The following ROBO1 variants were observed in gnomAD, a reference collection of about 807,000 sequenced individuals.
The protein encoded by ROBO1 is roundabout guidance receptor 1.
In ROBO1, 149 loss-of-function variants were observed where a neutral mutation model predicts 195.9. The ratio of observed to expected loss-of-function variants is 0.76; its 90% CI spans 0.67 to 0.87. ROBO1 has a LOEUF of 0.87. ROBO1 is among the 40% of genes least tolerant of loss of function. ROBO1 has a pLI of 0.00. For missense variants in ROBO1, 1,933 were observed against 2,068.3 expected, an observed-to-expected ratio of 0.93 and a Z score of 1.27; for synonymous variants, 816 against 733.2, an observed-to-expected ratio of 1.11 and a Z score of -1.82.
chr3:79,466,699 G>A (rs1937978788), intron 2 of ROBO1, among the ~76,000 whole-genome samples: 1 of 152,096 alleles, frequency 6.6e-6, no homozygotes, highest in South Asian at 2.1e-4. Context: ...GGCATAATGA[G>A]TGACTGTATG....
intron 4 of ROBO1, among the ~76,000 whole-genome samples, chr3:78,879,439 G>A (rs1218203661): frequency 1.3e-5 from 2 of 151,460 alleles, no homozygotes; most frequent in Non-Finnish European, 2.9e-5. Context: ...ACCTATATAC[G>A]AGGTTAGGCA....
chr3:78,679,624 T>C (rs549297577), intron 10 of ROBO1, among the ~76,000 whole-genome samples: 4,393 of 152,200 alleles, frequency 0.029, 87 homozygotes, highest in African/African-American at 0.064. Context: ...TTACAAGGGA[T>C]GTGAAGGACC....
intron 2 of ROBO1, among the ~76,000 whole-genome samples, chr3:79,134,421 C>G: frequency 9.4e-5 from 1 of 10,586 alleles, no homozygotes; most frequent in Non-Finnish European, 1.8e-4. Flanking sequence ...GAAATAGGAA[C>G]ACTTTTACAC....
intron 4 of ROBO1, among the ~76,000 whole-genome samples, chr3:78,930,420 A>AG (rs1232002930): frequency 1.3e-5 from 2 of 152,170 alleles, no homozygotes; most frequent in Admixed American, 1.3e-4. Flanking sequence ...GTTTTGGGAA[A>AG]GGGGGGCCCT....
intron 4 of ROBO1, among the ~76,000 whole-genome samples, chr3:78,881,250 C>T (rs779665795): frequency 6.6e-6 from 1 of 152,138 alleles, no homozygotes; most frequent in Non-Finnish European, 1.5e-5. Flanking sequence ...GGAAATTTCA[C>T]CAACTCATTT....
intron 2 of ROBO1, among the ~76,000 whole-genome samples, chr3:79,455,589 C>T (rs1393434276): frequency 6.6e-6 from 1 of 151,940 alleles, no homozygotes; most frequent in African/African-American, 2.4e-5. Context: ...AGTTGTAGTG[C>T]TCTGAGTCAT....
intron 2 of ROBO1, among the ~76,000 whole-genome samples, chr3:79,417,653 C>A (rs763901954): frequency 2.6e-5 from 4 of 152,146 alleles, no homozygotes; most frequent in Non-Finnish European, 4.4e-5. Context: ...TCCGCATTAG[C>A]TGGAGGCCAT....
chr3:79,564,266 C>G (rs1943019669), intron 2 of ROBO1, among the ~76,000 whole-genome samples: 1 of 152,032 alleles, frequency 6.6e-6, no homozygotes, highest in African/African-American at 2.4e-5. Context: ...TGTCAAATAT[C>G]CACTACCTAA....
intron 2 of ROBO1, among the ~76,000 whole-genome samples, chr3:79,198,842 G>A (rs1368970418): frequency 6.6e-6 from 1 of 151,000 alleles, no homozygotes; most frequent in Non-Finnish European, 1.5e-5. Flanking sequence ...CTCTGTTATT[G>A]GTGTATAGGA....
At chr3:79,460,797 G>C (rs1426531523) in intron 2 of ROBO1, among the ~76,000 whole-genome samples, 1 of 151,736 alleles carries the variant, frequency 6.6e-6, no homozygotes, top group Non-Finnish European at 1.5e-5. Context: ...GCCCAGGCTG[G>C]AGTGCAGTGG....
At chr3:79,743,962 T>A (rs2107440905) in intron 1 of ROBO1, among the ~76,000 whole-genome samples, 1 of 152,302 alleles carries the variant, frequency 6.6e-6, no homozygotes, top group East Asian at 1.9e-4. Flanking sequence ...CAATTAACTT[T>A]TTTTTTTAAG....
intron 2 of ROBO1, among the ~76,000 whole-genome samples, chr3:79,386,454 A>G (rs2036749674): frequency 6.6e-6 from 1 of 152,148 alleles, no homozygotes; most frequent in Non-Finnish European, 1.5e-5. Flanking sequence ...CCATCAACGT[A>G]TAAAGTAAGG....
chr3:79,242,784 C>T (rs1300977982), intron 2 of ROBO1, among the ~76,000 whole-genome samples: 2 of 152,076 alleles, frequency 1.3e-5, no homozygotes, highest in Admixed American at 6.6e-5. Context: ...GTAATAGCTA[C>T]AATGCATTGA....
intron 4 of ROBO1, among the ~76,000 whole-genome samples, chr3:78,779,916 T>C (rs2083622391): frequency 2.0e-5 from 3 of 152,172 alleles, no homozygotes; most frequent in Non-Finnish European, 4.4e-5. Flanking sequence ...CATGGAATAC[T>C]ATGCAGCCGT....
At chr3:78,683,390 G>T (rs1018575146) in intron 10 of ROBO1, among the ~76,000 whole-genome samples, 2 of 151,760 alleles carry the variant, frequency 1.3e-5, no homozygotes, top group Non-Finnish European at 2.9e-5. Flanking sequence ...TTAGGGAGTG[G>T]GTGTGTACAT....
intron 8 of ROBO1, among the ~76,000 whole-genome samples, chr3:78,697,700 G>T (rs964949932): frequency 6.6e-6 from 1 of 152,170 alleles, no homozygotes; most frequent in Admixed American, 6.5e-5. Context: ...CAAAGGGACA[G>T]AGAAATTGAA....
intron 3 of ROBO1, among the ~76,000 whole-genome samples, chr3:79,113,901 G>T (rs1458846389): frequency 6.6e-6 from 1 of 152,056 alleles, no homozygotes; most frequent in Non-Finnish European, 1.5e-5. Flanking sequence ...TATATGGTTT[G>T]GCTGCGTCCC....
At chr3:78,621,344 T>A (rs1704444211) in intron 26 of ROBO1, among the ~76,000 whole-genome samples, 1 of 152,186 alleles carries the variant, frequency 6.6e-6, no homozygotes. Context: ...TGTAAGACTT[T>A]TTAGCACAAA....
intron 1 of ROBO1, among the ~76,000 whole-genome samples, chr3:79,607,385 T>A (rs905231437): frequency 2.0e-5 from 3 of 151,640 alleles, no homozygotes; most frequent in African/African-American, 7.2e-5. Flanking sequence ...CCAGTGAGTA[T>A]AAAAGTTTTG....
Sources: allele counts gnomAD v4.1 joint callset (sites outside exome capture counted in the v4.1 genomes callset), GRCh38; gene constraint gnomAD v4.1.1; transcripts MANE v1.5; gene names NCBI Gene and HGNC (gene_info 2026-07-23, HGNC 2026-07-21).